DOK6: variants seen among roughly 807,000 people sequenced by gnomAD.
DOK6 encodes docking protein 6, also known as downstream of tyrosine kinase 6.
DOK6 carries 22 observed loss-of-function variants against 44.0 expected under a neutral mutation model. The observed-to-expected ratio is 0.50, with a 90% CI of 0.36 to 0.71. DOK6 has a LOEUF of 0.71. DOK6 is among the 30% of genes least tolerant of loss of function. The probability of loss-of-function intolerance (pLI) is 0.00; values close to 1 mark genes in which losing one functional copy is unlikely to be tolerated. For missense variants in DOK6, 340 were observed against 416.4 expected, an observed-to-expected ratio of 0.82 and a Z score of 1.60; for synonymous variants, 166 against 145.5, an observed-to-expected ratio of 1.14 and a Z score of -1.01.
At chr18:69,614,320 A>AAATCATCCTTGAATTCAAAATG (rs1488488070) in intron 3 of DOK6, among the ~76,000 whole-genome samples, 3 of 152,178 alleles carry the variant, frequency 2.0e-5, no homozygotes, top group Non-Finnish European at 4.4e-5. Flanking sequence ...AATTCAAAAA[A>AAATCATCCTTGAATTCAAAATG]AATCATCCTT....
intron 1 of DOK6, among the ~76,000 whole-genome samples, chr18:69,485,860 A>G (rs920648186): frequency 9.0e-5 from 13 of 144,402 alleles, no homozygotes; most frequent in Admixed American, 7.2e-4. Context: ...GTATATATCC[A>G]TATATATAGT....
At chr18:69,527,638 C>A (rs1981867797) in intron 1 of DOK6, among the ~76,000 whole-genome samples, 1 of 152,104 alleles carries the variant, frequency 6.6e-6, no homozygotes, top group Admixed American at 6.5e-5. Flanking sequence ...ATTATTTGCT[C>A]CCATTCTGCA....
chr18:69,808,961 C>T (rs1195989808), intron 7 of DOK6, among the ~76,000 whole-genome samples: 3 of 151,726 alleles, frequency 2.0e-5, no homozygotes, highest in Non-Finnish European at 3.0e-5. Flanking sequence ...GCCAGCATTA[C>T]CATGATATCA....
chr18:69,654,116 A>G (rs1473894171), intron 3 of DOK6, among the ~76,000 whole-genome samples: 27 of 152,214 alleles, frequency 1.8e-4, no homozygotes, highest in Admixed American at 1.8e-3. Context: ...ACAGTTGAGG[A>G]GGGTGTTAGT....
intron 1 of DOK6, among the ~76,000 whole-genome samples, chr18:69,545,116 TA>T (rs11415632): frequency 0.049 from 7,164 of 145,154 alleles, 564 homozygotes; most frequent in African/African-American, 0.16. Context: ...CGAGACACCA[TA>T]AAAAAAAAAA....
intron 2 of DOK6, among the ~76,000 whole-genome samples, chr18:69,596,225 G>T (rs1983737188): frequency 6.6e-6 from 1 of 152,082 alleles, no homozygotes; most frequent in African/African-American, 2.4e-5. Flanking sequence ...AATTGGATTG[G>T]CCCCATATGT....
intron 7 of DOK6, among the ~76,000 whole-genome samples, chr18:69,804,994 G>A (rs1453787624): frequency 2.0e-5 from 3 of 152,176 alleles, no homozygotes; most frequent in Non-Finnish European, 4.4e-5. Flanking sequence ...TCTGCTCAGA[G>A]AGTAAGGTGG....
At chr18:69,558,945 T>C (rs1199464014) in intron 1 of DOK6, among the ~76,000 whole-genome samples, 2 of 152,092 alleles carry the variant, frequency 1.3e-5, no homozygotes, top group African/African-American at 4.8e-5. Context: ...AACTCCACCA[T>C]TTTTGCAACT....
At chr18:69,666,474 C>T (rs781346817) in intron 3 of DOK6, among the ~76,000 whole-genome samples, 2 of 152,100 alleles carry the variant, frequency 1.3e-5, no homozygotes, top group African/African-American at 4.8e-5. Flanking sequence ...TAGGCACGCA[C>T]CTGTAACAAA....
chr18:69,575,618 AT>A (rs1309962088), intron 2 of DOK6, among the ~76,000 whole-genome samples: 14 of 152,140 alleles, frequency 9.2e-5, no homozygotes, highest in South Asian at 2.1e-4. Flanking sequence ...GCTTTTAAAA[AT>A]TGCAAAGAGT....
intron 1 of DOK6, among the ~76,000 whole-genome samples, chr18:69,446,655 T>G (rs1979302369): frequency 6.6e-6 from 1 of 152,204 alleles, no homozygotes; most frequent in South Asian, 2.1e-4. Flanking sequence ...ATGGTTGAAC[T>G]AGTTTACAGT....
chr18:69,430,270 G>A (rs995491664), intron 1 of DOK6, among the ~76,000 whole-genome samples: 5 of 152,168 alleles, frequency 3.3e-5, no homozygotes, highest in Non-Finnish European at 7.4e-5. Context: ...TGTATCTTCA[G>A]TCTAAGCATT....
intron 4 of DOK6, among the ~76,000 whole-genome samples, chr18:69,683,763 A>C (rs778320367): frequency 2.0e-5 from 3 of 152,250 alleles, no homozygotes; most frequent in Non-Finnish European, 4.4e-5. Context: ...AATTGTTGGT[A>C]CTTTGTTATG....
chr18:69,449,427 C>T (rs1459249005), intron 1 of DOK6, among the ~76,000 whole-genome samples: 1 of 152,082 alleles, frequency 6.6e-6, no homozygotes, highest in Non-Finnish European at 1.5e-5. Context: ...ATAATAAGTT[C>T]ATATCTTAAT....
chr18:69,795,299 G>A (rs1486699542), intron 7 of DOK6, among the ~76,000 whole-genome samples: 2 of 151,996 alleles, frequency 1.3e-5, no homozygotes, highest in African/African-American at 4.8e-5. Flanking sequence ...ACCAGACGAT[G>A]GCAAAGGCTG....
intron 2 of DOK6, 79 bp from the exon 3 acceptor site, chr18:69,599,305 T>C (rs1983818197): frequency 1.6e-5 from 16 of 985,384 alleles, no homozygotes; most frequent in Non-Finnish European, 2.2e-5. Context: ...AAGACTGTGA[T>C]AACTTATCAT....
At chr18:69,476,307 C>G (rs1023607509) in intron 1 of DOK6, among the ~76,000 whole-genome samples, 2 of 152,078 alleles carry the variant, frequency 1.3e-5, no homozygotes, top group Non-Finnish European at 2.9e-5. Flanking sequence ...TGAATTTTTT[C>G]TACATGAAGA....
intron 1 of DOK6, among the ~76,000 whole-genome samples, chr18:69,470,838 G>A (rs1347232976): frequency 6.6e-6 from 1 of 152,226 alleles, no homozygotes; most frequent in Non-Finnish European, 1.5e-5. Flanking sequence ...TGACTTAGGT[G>A]CTGGGGATAA....
intron 1 of DOK6, among the ~76,000 whole-genome samples, chr18:69,460,045 G>C (rs941658849): frequency 6.6e-6 from 1 of 152,132 alleles, no homozygotes; most frequent in Admixed American, 6.5e-5. Flanking sequence ...TGTAGCCAGT[G>C]AGAGCTTATT....
Sources: allele counts gnomAD v4.1 joint callset (sites outside exome capture counted in the v4.1 genomes callset), GRCh38; gene constraint gnomAD v4.1.1; transcripts MANE v1.5; gene names NCBI Gene and HGNC (gene_info 2026-07-23, HGNC 2026-07-21).